CDH13: variants seen among roughly 807,000 people sequenced by gnomAD.
The protein encoded by CDH13 is cadherin-13.
In CDH13, 24 loss-of-function variants were observed where a neutral mutation model predicts 63.8. That is an observed-to-expected ratio of 0.38 (90% CI 0.27 to 0.53). The LOEUF (loss-of-function observed/expected upper bound fraction) is 0.53. Among genes scored for constraint, CDH13 ranks in the 20% least tolerant of loss-of-function variants. The probability of loss-of-function intolerance (pLI) is 0.85; values close to 1 mark genes in which losing one functional copy is unlikely to be tolerated. For synonymous variants in CDH13, 503 were observed against 355.3 expected, an observed-to-expected ratio of 1.42 and a Z score of -4.67; for missense variants, 1,049 against 903.1, an observed-to-expected ratio of 1.16 and a Z score of -2.07.
chr16:82,643,338 G>A (rs1909651781), intron 1 of CDH13, among the ~76,000 whole-genome samples: 1 of 152,196 alleles, frequency 6.6e-6, no homozygotes. Flanking sequence ...ACCTGCTGGT[G>A]ATACTCTACT....
rs772067134 is a variant in CDH13, at chr16:83,710,294, CT to C, written c.1538+31834del. On this transcript the variant is annotated intron_variant, in intron 10 of 13. Transcript: ENST00000567109. Reference sequence around the variant, plus strand: ...AGGCTGCAACTTGGCCAAATGACCTCTGATTAAAAGCAAGAGAGCTGGCTTA... The same window carrying C: ...AGGCTGCAACTTGGCCAAATGACCTCGATTAAAAGCAAGAGAGCTGGCTTA... The C allele has an allele frequency of 3.3e-5, 5 of 152,344 alleles. No individual in the cohort carries two copies. In the East Asian group the frequency reaches 9.7e-4, roughly 29 times the overall value. The allele number at this position is 152,344 out of a possible 1,614,324, so 9.4% of individuals were successfully genotyped here. A position where few individuals can be genotyped will look rare whatever the true frequency, so the allele number is the denominator to read the frequency against.
intron 6 of CDH13, among the ~76,000 whole-genome samples, chr16:83,352,531 A>G (rs1396779168): frequency 6.6e-6 from 1 of 152,198 alleles, no homozygotes; most frequent in East Asian, 1.9e-4. Context: ...GGTTATCACT[A>G]CGTATATTCA....
At chr16:82,856,748 G>C (rs1452997261) in intron 1 of CDH13, among the ~76,000 whole-genome samples, 2 of 96,966 alleles carry the variant, frequency 2.1e-5, no homozygotes, top group Non-Finnish European at 4.7e-5. Flanking sequence ...AAAAAAAATA[G>C]AAAAAATACC....
intron 5 of CDH13, among the ~76,000 whole-genome samples, chr16:83,221,059 C>G (rs1460726380): frequency 1.3e-5 from 2 of 152,248 alleles, no homozygotes; most frequent in Non-Finnish European, 2.9e-5. Flanking sequence ...GGTCTCACAG[C>G]TGGCATGTAT....
At chr16:83,090,316 C>T (rs1169769873) in intron 3 of CDH13, among the ~76,000 whole-genome samples, 2 of 152,134 alleles carry the variant, frequency 1.3e-5, no homozygotes, top group Admixed American at 1.3e-4. Context: ...TGGCTCATGC[C>T]TGTAATCCCA....
chr16:83,152,157 A>G (rs1036145257), intron 4 of CDH13, among the ~76,000 whole-genome samples: 9 of 152,234 alleles, frequency 5.9e-5, no homozygotes, highest in Admixed American at 3.3e-4. Context: ...TGTGAAATAC[A>G]TACTCAAAAC....
chr16:82,800,745 A>T (rs1162076996), intron 1 of CDH13, among the ~76,000 whole-genome samples: 1 of 152,220 alleles, frequency 6.6e-6, no homozygotes, highest in Non-Finnish European at 1.5e-5. Flanking sequence ...GGATTTACCT[A>T]AAGCTCAAAG....
intron 2 of CDH13, among the ~76,000 whole-genome samples, chr16:83,020,150 A>C (rs753915463): frequency 6.6e-6 from 1 of 152,152 alleles, no homozygotes; most frequent in Non-Finnish European, 1.5e-5. Context: ...CACATGACCG[A>C]ATTTGGACAA....
At chr16:83,705,711 T>TTA (rs1906938021) in intron 10 of CDH13, among the ~76,000 whole-genome samples, 1 of 152,200 alleles carries the variant, frequency 6.6e-6, no homozygotes. Flanking sequence ...TCTGTGCATT[T>TTA]TATCATTTCA....
intron 1 of CDH13, among the ~76,000 whole-genome samples, chr16:82,706,611 A>G (rs1023518233): frequency 1.6e-4 from 25 of 151,940 alleles, no homozygotes; most frequent in African/African-American, 4.3e-4. Context: ...CCTGGCCAAC[A>G]TGGTGAAACC....
Position 83,260,047 on chromosome 16 carries a change from G to T in CDH13, c.636+42550G>T, listed in dbSNP as rs536821509. Among the ~76,000 whole-genome samples, 5 of 139,334 alleles carry T rather than the reference G, an allele frequency of 3.6e-5. No individual in the cohort carries two copies. In the South Asian group the frequency reaches 1.3e-3, roughly 35 times the overall value. 91.4% of individuals were successfully genotyped at this position (139,334 alleles called of 152,430 possible). Reference sequence around the variant, plus strand: ...TGAGGACTTTCAAACTTTTTGGCAGGTTCTCACAGTATATAATAGTTTTTT... The same window carrying T: ...TGAGGACTTTCAAACTTTTTGGCAGTTTCTCACAGTATATAATAGTTTTTT... On this transcript the variant is annotated intron_variant, in intron 5 of 13. Coordinates refer to ENST00000567109, the MANE Select transcript of CDH13 (RefSeq NM_001257.5).
chr16:83,034,092 A>G (rs1916629139), intron 3 of CDH13, among the ~76,000 whole-genome samples: 1 of 152,130 alleles, frequency 6.6e-6, no homozygotes, highest in Admixed American at 6.5e-5. Context: ...AGCATCATAT[A>G]GCTTCTTTAT....
chr16:83,508,863 C>A (rs576341677), intron 7 of CDH13, among the ~76,000 whole-genome samples: 3 of 152,294 alleles, frequency 2.0e-5, no homozygotes, highest in African/African-American at 4.8e-5. Flanking sequence ...TTGTAACAGG[C>A]ACAAGGTACC....
At chr16:82,679,954 T>C (rs1334358584) in intron 1 of CDH13, among the ~76,000 whole-genome samples, 1 of 152,204 alleles carries the variant, frequency 6.6e-6, no homozygotes, top group Non-Finnish European at 1.5e-5. Flanking sequence ...TATATCGTGA[T>C]CTTCTTGACG....
intron 1 of CDH13, among the ~76,000 whole-genome samples, chr16:82,710,702 A>G (rs1597379306): frequency 6.8e-6 from 1 of 146,136 alleles, no homozygotes; most frequent in African/African-American, 2.5e-5. Flanking sequence ...ATATTTATAA[A>G]TGTATTTTAT....
chr16:82,718,012 G>C (rs1159794665), intron 1 of CDH13, among the ~76,000 whole-genome samples: 2 of 152,190 alleles, frequency 1.3e-5, no homozygotes, highest in East Asian at 3.9e-4. Context: ...GTTTTAGTTG[G>C]GTTCCCACAG....
At chr16:83,548,472 T>C (rs1027295025) in intron 7 of CDH13, among the ~76,000 whole-genome samples, 2 of 152,180 alleles carry the variant, frequency 1.3e-5, no homozygotes, top group African/African-American at 2.4e-5. Flanking sequence ...AGCGCAGTGG[T>C]TGAGAAACCT....
chr16:82,696,921 G>C (rs2030370323), intron 1 of CDH13, among the ~76,000 whole-genome samples: 1 of 152,120 alleles, frequency 6.6e-6, no homozygotes, highest in African/African-American at 2.4e-5. Flanking sequence ...TCACATGGCT[G>C]GTGGTAATAG....
At chr16:83,432,140 G>T (rs942269962) in intron 6 of CDH13, among the ~76,000 whole-genome samples, 2 of 152,162 alleles carry the variant, frequency 1.3e-5, no homozygotes, top group South Asian at 4.1e-4. Flanking sequence ...TCAGATTGTG[G>T]TATATTGCCA....
Sources: allele counts gnomAD v4.1 joint callset (sites outside exome capture counted in the v4.1 genomes callset), GRCh38; gene constraint gnomAD v4.1.1; transcripts MANE v1.5; gene names NCBI Gene and HGNC (gene_info 2026-07-23, HGNC 2026-07-21).